BBS7: variants seen among roughly 807,000 people sequenced by gnomAD.
BBS7 encodes BBSome complex member BBS7.
In BBS7, 50 loss-of-function variants were observed where a neutral mutation model predicts 90.3. That is an observed-to-expected ratio of 0.55 (90% CI 0.44 to 0.70). The LOEUF is 0.70. BBS7 is among the 30% of genes least tolerant of loss of function. The probability of loss-of-function intolerance (pLI) is 0.00; values close to 1 mark genes in which losing one functional copy is unlikely to be tolerated. For missense variants in BBS7, 729 were observed against 838.9 expected, an observed-to-expected ratio of 0.87 and a Z score of 1.62; for synonymous variants, 235 against 287.4, an observed-to-expected ratio of 0.82 and a Z score of 1.85.
At chr4:121,833,492 A>G in intron 14 of BBS7, 97 bp from the exon 15 acceptor site, 1 of 1,086,042 alleles carries the variant, frequency 9.2e-7, no homozygotes, top group East Asian at 2.4e-5. Context: ...TAGTTGTTAA[A>G]TATAAATGAA....
chr4:121,851,036 T>C (rs1726290620), intron 8 of BBS7, among the ~76,000 whole-genome samples: 1 of 152,144 alleles, frequency 6.6e-6, no homozygotes. Flanking sequence ...ATCTGAGAGA[T>C]TGATTAGATC....
At chr4:121,833,504 ACATT>A in intron 14 of BBS7, 109 bp from the exon 15 acceptor site, 1 of 1,016,030 alleles carries the variant, frequency 9.8e-7, no homozygotes, top group Non-Finnish European at 1.5e-6. Flanking sequence ...ATAAATGAAA[ACATT>A]CAATTTTCTC....
chr4:121,855,441 T>C, intron 6 of BBS7, 48 bp downstream of exon 6: 1 of 1,526,202 alleles, frequency 6.6e-7, no homozygotes, highest in East Asian at 2.3e-5. Context: ...CATTTTCACT[T>C]ACTATTAAAA....
chr4:121,833,205 G>A, intron 15 of BBS7, 26 bp downstream of exon 15: 1 of 1,609,252 alleles, frequency 6.2e-7, no homozygotes. Flanking sequence ...AACAACACTT[G>A]TGAACCAGTA....
At chr4:121,857,743 T>A (rs1344196438) in intron 5 of BBS7, among the ~76,000 whole-genome samples, 2 of 152,126 alleles carry the variant, frequency 1.3e-5, no homozygotes, top group Non-Finnish European at 2.9e-5. Flanking sequence ...ACAATTCATA[T>A]TTAAAAGCAT....
chr4:121,864,071 C>T lies in BBS7; in HGVS notation c.103-792G>A, dbSNP rs189623070. Among the ~76,000 whole-genome samples the T allele has an allele frequency of 9.2e-5, 14 of 152,256 alleles. No individual in the cohort carries two copies. The East Asian group carries it at 2.5e-3, about 27-fold the overall frequency. On this transcript the variant is annotated intron_variant, in intron 2 of 18. Coordinates refer to ENST00000264499, the MANE Select transcript of BBS7 (RefSeq NM_176824.3). ...GAAGCACAAACCCTATTGTGAACTG[C>T]GCATGGTTGTATGCTCCTTATGAGA...
At chr4:121,852,737 A>G (rs1726388230) in intron 8 of BBS7, among the ~76,000 whole-genome samples, 1 of 152,140 alleles carries the variant, frequency 6.6e-6, no homozygotes, top group Non-Finnish European at 1.5e-5. Context: ...AATATTTTAA[A>G]GTATAATGAA....
chr4:121,844,846 G>A (rs1229321184), intron 11 of BBS7, among the ~76,000 whole-genome samples: 1 of 152,060 alleles, frequency 6.6e-6, no homozygotes, highest in African/African-American at 2.4e-5. Flanking sequence ...AAAAAAAAAT[G>A]TTCTAGCAAG....
At chr4:121,852,924 A>G in intron 8 of BBS7, 32 bp downstream of exon 8, 1 of 1,602,910 alleles carries the variant, frequency 6.2e-7, no homozygotes, top group South Asian at 1.1e-5. Context: ...TTTGACAAAT[A>G]ATAAGCATAT....
chr4:121,833,976 G>A (rs1725323140), intron 14 of BBS7, among the ~76,000 whole-genome samples: 1 of 151,992 alleles, frequency 6.6e-6, no homozygotes, highest in African/African-American at 2.4e-5. Context: ...ACAGGCATGG[G>A]TTGTTCCATT....
intron 11 of BBS7, among the ~76,000 whole-genome samples, chr4:121,844,480 T>A (rs986336913): frequency 6.6e-6 from 1 of 152,080 alleles, no homozygotes; most frequent in Non-Finnish European, 1.5e-5. Flanking sequence ...CTAGAGTTGT[T>A]CAATGCAACA....
rs989524053 is a variant in BBS7, at chr4:121,859,144, T to C, written c.376A>G (p.Ser126Gly). 3.1e-6 allele frequency: 5 copies of C among 1,613,774 alleles called. No individual in the cohort carries two copies. Among genetic ancestry groups the C allele is most frequent in the Non-Finnish European group, 4.2e-6 (5 of 1,179,868 alleles). ...TCACAATAATGGTTATAGATGTAACTTGCACTGAGAAAGAGGTCTGAGCCA... is the reference window on the plus strand; with the variant it reads ...TCACAATAATGGTTATAGATGTAACCTGCACTGAGAAAGAGGTCTGAGCCA... ...ISGSDLFLSA[S>G]YIYNHYCDCK... The change falls in exon 5 of 19, where the codon AGT becomes GGT. Residue 126 changes from serine (S) to glycine (G), a missense_variant. Ser to Gly is a moderately conservative substitution (Grantham distance 56, BLOSUM62 0). Coordinates refer to ENST00000264499, the MANE Select transcript of BBS7 (RefSeq NM_176824.3).
intron 2 of BBS7, among the ~76,000 whole-genome samples, chr4:121,865,879 G>A (rs1234608741): frequency 6.6e-6 from 1 of 152,048 alleles, no homozygotes; most frequent in African/African-American, 2.4e-5. Context: ...TTGTTTTTTG[G>A]TTTTTTGTTT....
intron 1 of BBS7, among the ~76,000 whole-genome samples, chr4:121,869,376 C>T (rs1369889529): frequency 1.3e-5 from 2 of 152,146 alleles, no homozygotes; most frequent in African/African-American, 4.8e-5. Flanking sequence ...ATTCAAATAG[C>T]CACTCCCTAA....
rs1725402367 is a variant in BBS7 at position 121,835,334 on chromosome 4, A to AT, written c.1372-52dup. ...AAATAAGAATATTTAGCAACAAAACATATCTTTAGAATGTTCAACATAAGT... is the reference window on the plus strand; with the variant it reads ...AAATAAGAATATTTAGCAACAAAACATTATCTTTAGAATGTTCAACATAAGT... On this transcript the variant is annotated intron_variant, in intron 13 of 18. Transcript: ENST00000264499. 5 of 1,598,082 alleles carry AT rather than the reference A, an allele frequency of 3.1e-6. No homozygotes were observed. The African/African-American group carries it at 5.4e-5, about 17-fold the overall frequency.
At chr4:121,826,911 G>C (rs1351306494) in intron 18 of BBS7, among the ~76,000 whole-genome samples, 2 of 152,146 alleles carry the variant, frequency 1.3e-5, no homozygotes, top group Admixed American at 1.3e-4. Flanking sequence ...TTGAACCCAG[G>C]GGGCAGAGGC....
chr4:121,848,990 T>G (rs1006267095), intron 8 of BBS7, 62 bp from the exon 9 acceptor site: 2 of 1,265,258 alleles, frequency 1.6e-6, no homozygotes, highest in Non-Finnish European at 2.3e-6. Flanking sequence ...TATATTAAAA[T>G]AAGCCACACA....
chr4:121,851,415 G>A (rs1170723409), intron 8 of BBS7, among the ~76,000 whole-genome samples: 5 of 138,524 alleles, frequency 3.6e-5, no homozygotes, highest in Non-Finnish European at 4.7e-5. Flanking sequence ...AGGAAGGAAG[G>A]AGGGAAGGAG....
At position 121,825,920 on chromosome 4, in the gene BBS7, T is replaced by C. The variant is rs1724882741; in HGVS notation, c.2088A>G (p.Leu696=). The change falls in exon 19 of 19, where the codon CTA becomes CTG. Residue 696 remains leucine (L), a synonymous_variant. Transcript: ENST00000264499. ...GGTCATAACTGTCCAGAATTTCCAA[T>C]AGAAGGGGTACTTTAGTTTTTACAT... The part of the protein sequence containing the change: ...GTNVKTKVPL[L]LEILDSYDQN... The C allele has an allele frequency of 6.2e-7, 1 of 1,612,232 alleles. No homozygotes were observed. Among genetic ancestry groups the C allele is most frequent in the African/African-American group, 1.3e-5 (1 of 75,008 alleles).
Sources: gnomAD v4.1 joint callset for allele counts (sites outside exome capture counted in the v4.1 genomes callset) on GRCh38, gnomAD v4.1.1 for gene constraint, MANE v1.5 for transcripts, NCBI Gene and HGNC (gene_info 2026-07-23, HGNC 2026-07-21) for gene names.